Variants in DENND5B observed in about 807,000 individuals in gnomAD.
The protein encoded by DENND5B is DENN domain containing 5B.
A neutral mutation model predicts 140.6 loss-of-function variants in DENND5B; 34 were observed. That is an observed-to-expected ratio of 0.24 (90% CI 0.18 to 0.32). The LOEUF is 0.32. DENND5B is among the 10% of genes least tolerant of loss of function. The probability of loss-of-function intolerance (pLI) is 1.00; values close to 1 mark genes in which losing one functional copy is unlikely to be tolerated. For missense variants in DENND5B, 1,142 were observed against 1,560.2 expected, an observed-to-expected ratio of 0.73 and a Z score of 4.52; for synonymous variants, 551 against 562.1, an observed-to-expected ratio of 0.98 and a Z score of 0.28.
chr12:31,482,577 CTTTT>C (rs910736014), intron 2 of DENND5B, among the ~76,000 whole-genome samples: 1 of 147,440 alleles, frequency 6.8e-6, no homozygotes. Flanking sequence ...GCTGTTGCTT[CTTTT>C]TTTTTTTCTT....
At chr12:31,516,999 T>C (rs77996886) in intron 1 of DENND5B, among the ~76,000 whole-genome samples, 1,383 of 135,854 alleles carry the variant, frequency 0.01, 21 homozygotes, top group African/African-American at 0.035. Flanking sequence ...TAATTAACAC[T>C]GTGTGTAGAT....
In DENND5B at chr12:31,572,531, C is replaced by T. The variant is rs548469533; in HGVS notation, c.127+18175G>A. Among the ~76,000 whole-genome samples the T allele has an allele frequency of 1.6e-4, 14 of 85,070 alleles. No homozygotes were observed. In the South Asian group the frequency reaches 6.8e-3, roughly 41 times the overall value. 55.8% of individuals were successfully genotyped at this position (85,070 alleles called of 152,430 possible). Reference sequence around the variant, plus strand: ...GCCCTTATTTTTGTCACTAATTTTACTCTTTCTCAAAAAAAAAAAAAAAAA... The same window carrying T: ...GCCCTTATTTTTGTCACTAATTTTATTCTTTCTCAAAAAAAAAAAAAAAAA... On this transcript the variant is annotated intron_variant, in intron 1 of 20. Transcript: ENST00000389082.
rs1940892869 is a variant in DENND5B, at chr12:31,387,221, T to C, written c.*382A>G. On this transcript the variant is annotated 3_prime_UTR_variant, in exon 21 of 21. Coordinates refer to ENST00000389082, the MANE Select transcript of DENND5B (RefSeq NM_144973.4). The stretch of plus-strand genomic sequence containing the variant: ...GGAGAAAAAAAAAAGCCCGACTGGG[T>C]TGCACTATATTTACATGTTTACTGG... The C allele has an allele frequency of 1.9e-5, 3 of 159,142 alleles. No homozygotes were observed. The highest frequency in any genetic ancestry group is 2.7e-5 in the Non-Finnish European group (2 of 72,882). 9.9% of individuals were successfully genotyped at this position (159,142 alleles called of 1,614,324 possible). A position where few individuals can be genotyped will look rare whatever the true frequency, so the allele number is the denominator to read the frequency against.
chr12:31,417,131 C>T (rs1262055080), intron 11 of DENND5B, among the ~76,000 whole-genome samples: 43 of 148,724 alleles, frequency 2.9e-4, no homozygotes, highest in East Asian at 9.9e-4. Context: ...CCGAGGCGGG[C>T]GGATCATGAG....
chr12:31,412,005 G>A (rs959611077), intron 13 of DENND5B, among the ~76,000 whole-genome samples: 53 of 152,088 alleles, frequency 3.5e-4, no homozygotes, highest in Middle Eastern at 3.4e-3. Context: ...ACAGGGTCTC[G>A]CTCTGTTGCC....
chr12:31,509,603 A>G (rs1947332199), intron 1 of DENND5B, among the ~76,000 whole-genome samples: 1 of 152,232 alleles, frequency 6.6e-6, no homozygotes, highest in Non-Finnish European at 1.5e-5. Flanking sequence ...AAATTTTGAG[A>G]TAGTTTATTA....
At chr12:31,460,993 TG>T (rs1944991938) in intron 3 of DENND5B, among the ~76,000 whole-genome samples, 1 of 152,238 alleles carries the variant, frequency 6.6e-6, no homozygotes, top group Admixed American at 6.5e-5. Flanking sequence ...CCCAAAGTGC[TG>T]GGATTACAGG....
intron 1 of DENND5B, among the ~76,000 whole-genome samples, chr12:31,556,860 T>G (rs1377446888): frequency 6.6e-6 from 1 of 152,146 alleles, no homozygotes; most frequent in Admixed American, 6.6e-5. Context: ...GAAATATGCA[T>G]GCCTCTTGAC....
intron 3 of DENND5B, among the ~76,000 whole-genome samples, chr12:31,463,849 G>T (rs530567510): frequency 3.4e-4 from 51 of 152,216 alleles, no homozygotes; most frequent in African/African-American, 1.2e-3. Flanking sequence ...TGGATTTTTA[G>T]TAGAGATGGG....
At chr12:31,509,356 C>G (rs1947323109) in intron 1 of DENND5B, among the ~76,000 whole-genome samples, 1 of 152,182 alleles carries the variant, frequency 6.6e-6, no homozygotes, top group Non-Finnish European at 1.5e-5. Flanking sequence ...TGTGGCAGCT[C>G]ACGCCTATAA....
chr12:31,451,961 T>C lies in DENND5B; in HGVS notation c.1608A>G (p.Glu536=). Residue 536 remains glutamate, a synonymous_variant, in exon 5 of 21, where the codon GAA becomes GAG. Coordinates refer to ENST00000389082, the MANE Select transcript of DENND5B (RefSeq NM_144973.4). ...TTACTTTGTCAAAGTTCTGCATCTG[T>C]TCCCGGTTGGTCAGCCAGGATTCCA... ...QDMESWLTNR[E]QMQNFDKASF... 2 of 1,613,656 alleles carry C rather than the reference T, an allele frequency of 1.2e-6. No homozygotes were observed. Among genetic ancestry groups the C allele is most frequent in the Non-Finnish European group, 8.5e-7 (1 of 1,179,824 alleles).
At chr12:31,464,174 T>A (rs1042876953) in intron 3 of DENND5B, among the ~76,000 whole-genome samples, 1 of 152,204 alleles carries the variant, frequency 6.6e-6, no homozygotes, top group African/African-American at 2.4e-5. Flanking sequence ...GCAAGGCACA[T>A]GAGGCTCTTC....
intron 11 of DENND5B, chr12:31,419,884 A>G (rs1458597910): frequency 2.8e-6 from 1 of 360,306 alleles, no homozygotes; most frequent in South Asian, 1.1e-4. Flanking sequence ...GAGGCAGGAG[A>G]ATCGCTTGAA....
chr12:31,448,435 A>G (rs532329289), intron 5 of DENND5B, among the ~76,000 whole-genome samples: 4 of 152,202 alleles, frequency 2.6e-5, no homozygotes, highest in South Asian at 2.1e-4. Context: ...GCGCCCAGCT[A>G]CAAGTTGTAA....
chr12:31,383,718 G>A lies in DENND5B; in HGVS notation c.*3885C>T, dbSNP rs1940731928. On this transcript the variant is annotated 3_prime_UTR_variant, in exon 21 of 21. Coordinates refer to ENST00000389082, the MANE Select transcript of DENND5B (RefSeq NM_144973.4). ...TTATACTACTTCACACTGACTCGCA[G>A]TCATTTTTAAGGCATATGACTCCCG... The A allele has an allele frequency of 6.6e-6, 1 of 152,094 alleles. No individual in the cohort carries two copies. Among genetic ancestry groups the A allele is most frequent in the African/African-American group, 2.4e-5 (1 of 41,424 alleles). 9.4% of individuals were successfully genotyped at this position (152,094 alleles called of 1,614,324 possible).
Position 31,424,538 on chromosome 12 carries a change from C to T in DENND5B, c.2388G>A (p.Lys796=), listed in dbSNP as rs1396026085. 5 of 1,613,192 alleles carry T rather than the reference C, an allele frequency of 3.1e-6. No individual in the cohort carries two copies. The East Asian group carries it at 1.1e-4, about 36-fold the overall frequency. The change falls in exon 10 of 21, where the codon AAG becomes AAA. Residue 796 remains lysine, a synonymous_variant. Coordinates refer to ENST00000389082, the MANE Select transcript of DENND5B (RefSeq NM_144973.4). ...CAGGACCTCCTAAAACTGTTACCTG[C>T]TTGACCTGCAAGCCATGGCTCCATA... ...ERIWSHGLQV[K]QGKSALWSHL... is the part of the protein sequence containing the mutation.
chr12:31,545,312 G>A (rs1287148083), intron 1 of DENND5B, among the ~76,000 whole-genome samples: 2 of 152,054 alleles, frequency 1.3e-5, no homozygotes, highest in African/African-American at 2.4e-5. Context: ...ATAATGCTGA[G>A]GTTTGGGGTA....
chr12:31,457,404 T>C (rs1449795808), intron 4 of DENND5B, among the ~76,000 whole-genome samples: 1 of 152,250 alleles, frequency 6.6e-6, no homozygotes, highest in Non-Finnish European at 1.5e-5. Context: ...ACTAAAATCA[T>C]ACCTTCTTAA....
chr12:31,409,235 C>T (rs374486878), intron 14 of DENND5B, 28 bp downstream of exon 14: 9 of 1,552,176 alleles, frequency 5.8e-6, no homozygotes, highest in Non-Finnish European at 7.8e-6. Flanking sequence ...ACCTCAGTAA[C>T]CCTTAACGGT....
Sources: allele counts gnomAD v4.1 joint callset (sites outside exome capture counted in the v4.1 genomes callset), GRCh38; gene constraint gnomAD v4.1.1; transcripts MANE v1.5; gene names NCBI Gene and HGNC (gene_info 2026-07-23, HGNC 2026-07-21).